Variants in HMGXB3 observed in about 807,000 individuals in gnomAD.
HMGXB3 encodes the protein HMG-box containing 3, also known as HMG domain-containing protein 3.
Under a neutral mutation model 121.5 loss-of-function variants are expected in HMGXB3, and 45 were observed. That is an observed-to-expected ratio of 0.37 (90% CI 0.29 to 0.47). The LOEUF (loss-of-function observed/expected upper bound fraction) is 0.47, where lower values mean the gene tolerates loss of function less well. Among genes scored for constraint, HMGXB3 ranks in the 20% least tolerant of loss-of-function variants. The pLI is 0.99. For synonymous variants in HMGXB3, 590 were observed against 624.1 expected (o/e 0.95, Z 0.81); for missense variants, 1,376 against 1,602.2 (o/e 0.86, Z 2.41).
intron 3 of HMGXB3, 72 bp from the exon 4 acceptor site, chr5:150,010,039 C>T: frequency 7.1e-7 from 1 of 1,414,472 alleles, no homozygotes; most frequent in Non-Finnish European, 9.4e-7. Flanking sequence ...ATATATATAT[C>T]TTTCTCTCTC....
intron 13 of HMGXB3, 21 bp downstream of exon 13, chr5:150,037,548 C>A: frequency 6.6e-7 from 1 of 1,503,808 alleles, no homozygotes; most frequent in South Asian, 1.3e-5. Context: ...ACCTTCTCTT[C>A]CCTCAGAGCA....
At position 150,041,775 on chromosome 5, in the gene HMGXB3, C is replaced by G. The variant is rs753069983; in HGVS notation, c.2546-10C>G. ...CTGTGCCCTTCTCAGTGTTCTTGCT[C>G]TTCTTTCAGAGAAGACTCTGACCTC... On this transcript the variant is annotated splice_polypyrimidine_tract_variant and intron_variant, in intron 14 of 19. Coordinates refer to ENST00000502717, the MANE Select transcript of HMGXB3 (RefSeq NM_014983.3). The G allele has an allele frequency of 6.5e-7, 1 of 1,549,654 alleles. No homozygotes were observed. The highest frequency in any genetic ancestry group is 1.2e-5 in the South Asian group (1 of 83,922).
chr5:150,041,730 A>C, intron 14 of HMGXB3, 55 bp from the exon 15 acceptor site: 3 of 1,359,552 alleles, frequency 2.2e-6, no homozygotes, highest in Non-Finnish European at 3.1e-6. Flanking sequence ...GCTCATCCCT[A>C]GTGGCTTCAG....
chr5:150,014,159 C>G (rs183772451), intron 5 of HMGXB3, among the ~76,000 whole-genome samples: 108 of 152,346 alleles, frequency 7.1e-4, no homozygotes, highest in African/African-American at 2.5e-3. Context: ...TGGCTGCTCC[C>G]TCTACTAACG....
At position 150,052,418 on chromosome 5, in the gene HMGXB3, C is replaced by G; in HGVS notation, c.*226C>G. 1 of 542,738 alleles carries G rather than the reference C, an allele frequency of 1.8e-6. No individual in the cohort carries two copies. The highest frequency in any genetic ancestry group is 3.3e-6 in the Non-Finnish European group (1 of 303,344). 33.6% of individuals were successfully genotyped at this position (542,738 alleles called of 1,614,324 possible). A position where few individuals can be genotyped will look rare whatever the true frequency, so the allele number is the denominator to read the frequency against. On this transcript the variant is annotated 3_prime_UTR_variant, in exon 20 of 20. Coordinates refer to ENST00000502717, the MANE Select transcript of HMGXB3 (RefSeq NM_014983.3). ...GGTACCAGGAAACCTCTTCTGGCCC[C>G]GAGAGAGCACTTGGGGGACACGGTA... is the stretch of plus-strand genomic sequence containing the variant.
intron 6 of HMGXB3, chr5:150,021,968 C>G (rs555355352): frequency 2.3e-6 from 1 of 436,756 alleles, no homozygotes; most frequent in Admixed American, 2.4e-5. Flanking sequence ...CGAGAGAGAA[C>G]AGCGGTGAGT....
chr5:150,051,042 T>G (rs563000878), intron 19 of HMGXB3, among the ~76,000 whole-genome samples: 1 of 152,300 alleles, frequency 6.6e-6, no homozygotes, highest in East Asian at 1.9e-4. Context: ...GAAGATACAC[T>G]GGTTTAGAAA....
intron 12 of HMGXB3, 100 bp downstream of exon 12, chr5:150,037,037 T>C (rs1756517134): frequency 2.8e-6 from 3 of 1,076,780 alleles, no homozygotes; most frequent in African/African-American, 1.6e-5. Context: ...GAAGATGTTA[T>C]TCTCTGCCGT....
chr5:150,027,478 TTGCATGTGTGTAAAA>T (rs1756259252), intron 9 of HMGXB3, among the ~76,000 whole-genome samples: 3 of 152,350 alleles, frequency 2.0e-5, no homozygotes, highest in Admixed American at 6.5e-5. Flanking sequence ...TGTGTACACA[TTGCATGTGTGTAAAA>T]TACACATTAT....
intron 3 of HMGXB3, 61 bp downstream of exon 3, chr5:150,006,708 A>T (rs1375720168): frequency 2.2e-6 from 3 of 1,394,056 alleles, no homozygotes; most frequent in African/African-American, 1.5e-5. Flanking sequence ...GCCTTGGGAA[A>T]ACCAAGCCCC....
chr5:150,053,100 C>G lies in HMGXB3; in HGVS notation c.*908C>G, dbSNP rs558633316. ...GGTGGCTTTTTTTCCCTCCCTCTTC[C>G]CCCAACAAGAATAAAGTTTATTAAA... On this transcript the variant is annotated 3_prime_UTR_variant, in exon 20 of 20. Transcript: ENST00000502717. 1 of 181,988 alleles carries G rather than the reference C, an allele frequency of 5.5e-6. No individual in the cohort carries two copies. Among genetic ancestry groups the G allele is most frequent in the Admixed American group, 6.3e-5 (1 of 15,948 alleles). The allele number at this position is 181,988 out of a possible 1,614,324, so 11.3% of individuals were successfully genotyped here.
intron 3 of HMGXB3, among the ~76,000 whole-genome samples, chr5:150,008,005 C>T (rs1051937498): frequency 5.3e-5 from 8 of 150,812 alleles, no homozygotes; most frequent in Admixed American, 4.6e-4. Flanking sequence ...TGCAGTGAGC[C>T]GTGATTGTGC....
At position 150,011,698 on chromosome 5, in the gene HMGXB3, G is replaced by A. The variant is rs185874321; in HGVS notation, c.811-557G>A. 2.0e-3 allele frequency among the ~76,000 whole-genome samples: 294 copies of A among 145,898 alleles called. 1 individual carries two copies. The highest frequency in any genetic ancestry group is 7.4e-3 in the African/African-American group (285 of 38,692). On this transcript the variant is annotated intron_variant, in intron 4 of 19. Coordinates refer to ENST00000502717, the MANE Select transcript of HMGXB3 (RefSeq NM_014983.3). Reference sequence around the variant, plus strand: ...CGGCTCACTGCAACCTCCACCTCCCGGGTTCAAGAGATTCTCCTGCCTCAG... The same window carrying A: ...CGGCTCACTGCAACCTCCACCTCCCAGGTTCAAGAGATTCTCCTGCCTCAG...
intron 9 of HMGXB3, among the ~76,000 whole-genome samples, chr5:150,029,330 G>GTTT (rs79467916): frequency 5.0e-5 from 7 of 139,476 alleles, no homozygotes; most frequent in African/African-American, 1.1e-4. Context: ...TAGTTATCAA[G>GTTT]TTTTTTTTTT....
chr5:150,051,207 T>C (rs1193873215), intron 19 of HMGXB3, among the ~76,000 whole-genome samples: 1 of 152,186 alleles, frequency 6.6e-6, no homozygotes, highest in Admixed American at 6.5e-5. Flanking sequence ...TCACCAGTCA[T>C]GTACCCTCCA....
chr5:150,018,461 G>C, intron 5 of HMGXB3, 105 bp from the exon 6 acceptor site: 2 of 912,956 alleles, frequency 2.2e-6, no homozygotes, highest in Non-Finnish European at 3.0e-6. Flanking sequence ...TTATGAATTG[G>C]TTATCTTTCC....
chr5:150,030,588 C>T (rs1756349084), intron 9 of HMGXB3, 153 bp from the exon 10 acceptor site: 1 of 612,722 alleles, frequency 1.6e-6, no homozygotes, highest in Non-Finnish European at 2.9e-6. Flanking sequence ...CTTTGGTGGG[C>T]TTGTGACTGC....
rs1022205522 is a variant in HMGXB3, at chr5:150,040,749, T to A, written c.2415T>A (p.Gly805=). Residue 805 remains glycine (G), a splice_region_variant and synonymous_variant, in exon 14 of 20, where the codon GGT becomes GGA. Coordinates refer to ENST00000502717, the MANE Select transcript of HMGXB3 (RefSeq NM_014983.3). ...TTGTTGCCTCTTCTTAACCTGCAGG[T>A]CTCTTTAATGTGGGGAACAAGCTGC... ...ALHSFIDIYT[G]LFNVGNKLLV... 4 of 1,549,976 alleles carry A rather than the reference T, an allele frequency of 2.6e-6. No homozygotes were observed. Among genetic ancestry groups the A allele is most frequent in the African/African-American group, 2.7e-5 (2 of 72,780 alleles).
intron 5 of HMGXB3, among the ~76,000 whole-genome samples, chr5:150,012,865 C>T (rs1192978875): frequency 6.6e-6 from 1 of 152,126 alleles, no homozygotes; most frequent in African/African-American, 2.4e-5. Context: ...TTATAAATGG[C>T]ATTTTTAGAA....
Sources: gnomAD v4.1 joint callset for allele counts (sites outside exome capture counted in the v4.1 genomes callset) on GRCh38, gnomAD v4.1.1 for gene constraint, MANE v1.5 for transcripts, NCBI Gene and HGNC (gene_info 2026-07-23, HGNC 2026-07-21) for gene names.